Variants in RALYL observed in about 807,000 individuals in gnomAD.
RALYL encodes RALY RNA binding protein like.
RALYL carries 29 observed loss-of-function variants against 35.1 expected under a neutral mutation model. The ratio of observed to expected loss-of-function variants is 0.83; its 90% CI spans 0.61 to 1.13. The LOEUF is 1.13. RALYL is among the 50% of genes most tolerant of loss of function. The pLI is 0.00. For missense variants in RALYL, 359 were observed against 360.4 expected (o/e 1.00, Z 0.03); for synonymous variants, 120 against 127.6 (o/e 0.94, Z 0.40).
chr8:84,858,820 T>C (rs532540003), intron 5 of RALYL, among the ~76,000 whole-genome samples: 4 of 152,194 alleles, frequency 2.6e-5, no homozygotes, highest in Non-Finnish European at 4.4e-5. Context: ...CCTTGTCTTG[T>C]TATGTTTTTG....
intron 1 of RALYL, among the ~76,000 whole-genome samples, chr8:84,226,429 G>A (rs944432112): frequency 9.9e-5 from 15 of 152,080 alleles, no homozygotes; most frequent in African/African-American, 3.1e-4. Context: ...TTTTTGAAAT[G>A]GAGCTTTACT....
At chr8:84,364,639 G>A (rs1212656247) in intron 1 of RALYL, among the ~76,000 whole-genome samples, 1 of 152,070 alleles carries the variant, frequency 6.6e-6, no homozygotes, top group African/African-American at 2.4e-5. Context: ...ACTGAATTAT[G>A]TGTGTAAAAG....
At chr8:84,355,137 A>T (rs1448560325) in intron 1 of RALYL, among the ~76,000 whole-genome samples, 1 of 150,344 alleles carries the variant, frequency 6.7e-6, no homozygotes, top group Non-Finnish European at 1.5e-5. Context: ...TACTCTAGGA[A>T]AGTTATTTGA....
intron 1 of RALYL, among the ~76,000 whole-genome samples, chr8:84,308,123 G>T (rs1011972214): frequency 1.4e-5 from 2 of 147,972 alleles, no homozygotes; most frequent in Non-Finnish European, 1.5e-5. Flanking sequence ...GAACATAAAG[G>T]CTAAATAATC....
intron 2 of RALYL, among the ~76,000 whole-genome samples, chr8:84,736,199 G>T (rs1847284229): frequency 6.6e-6 from 1 of 152,084 alleles, no homozygotes; most frequent in Non-Finnish European, 1.5e-5. Flanking sequence ...AAGAATTAAT[G>T]CTGTTTTCAA....
intron 2 of RALYL, among the ~76,000 whole-genome samples, chr8:84,681,624 T>A (rs192293862): frequency 2.0e-5 from 3 of 152,312 alleles, no homozygotes; most frequent in African/African-American, 7.2e-5. Context: ...GGGAGTTCAC[T>A]CATGATTTGA....
chr8:84,905,015 T>C (rs188740744), intron 8 of RALYL, among the ~76,000 whole-genome samples: 1 of 152,298 alleles, frequency 6.6e-6, no homozygotes, highest in African/African-American at 2.4e-5. Context: ...TTGTTGACTA[T>C]GCAATGTTGT....
intron 1 of RALYL, among the ~76,000 whole-genome samples, chr8:84,459,949 AAATCTAGAT>A (rs2050564936): frequency 6.6e-6 from 1 of 151,794 alleles, no homozygotes; most frequent in African/African-American, 2.4e-5. Context: ...TAAACTATAG[AAATCTAGAT>A]AGGTTGATAC....
chr8:84,710,376 C>G (rs374400250), intron 2 of RALYL, among the ~76,000 whole-genome samples: 5 of 152,080 alleles, frequency 3.3e-5, no homozygotes, highest in African/African-American at 1.2e-4. Flanking sequence ...CAGCTCACTG[C>G]ACTGCAAACT....
intron 4 of RALYL, among the ~76,000 whole-genome samples, chr8:84,805,549 T>C (rs967082240): frequency 1.3e-5 from 2 of 152,058 alleles, no homozygotes; most frequent in Non-Finnish European, 2.9e-5. Context: ...CTGGGCATGG[T>C]GGCACACACC....
intron 7 of RALYL, among the ~76,000 whole-genome samples, chr8:84,874,024 G>C (rs1182105042): frequency 6.6e-6 from 1 of 152,090 alleles, no homozygotes; most frequent in Non-Finnish European, 1.5e-5. Flanking sequence ...TATTTTTTGA[G>C]TCACAAGTAT....
At chr8:84,293,893 T>C (rs1248114713) in intron 1 of RALYL, among the ~76,000 whole-genome samples, 1 of 151,516 alleles carries the variant, frequency 6.6e-6, no homozygotes, top group African/African-American at 2.4e-5. Context: ...TTTTCTTATG[T>C]ATGAAATTCA....
intron 8 of RALYL, among the ~76,000 whole-genome samples, chr8:84,905,914 T>C (rs1393921352): frequency 1.3e-5 from 2 of 152,122 alleles, no homozygotes; most frequent in African/African-American, 2.4e-5. Context: ...AGTTGTGTGT[T>C]TTTTTACATT....
intron 1 of RALYL, among the ~76,000 whole-genome samples, chr8:84,498,439 C>T (rs1311568232): frequency 1.3e-5 from 2 of 152,068 alleles, no homozygotes; most frequent in African/African-American, 2.4e-5. Flanking sequence ...CTTACTTTGA[C>T]TAAAAAGCCT....
intron 2 of RALYL, among the ~76,000 whole-genome samples, chr8:84,588,344 A>C (rs1438554633): frequency 6.6e-6 from 1 of 152,166 alleles, no homozygotes; most frequent in Non-Finnish European, 1.5e-5. Context: ...TTTTCAGATT[A>C]TGTGTTGGCT....
At chr8:84,592,130 A>G (rs561540297) in intron 2 of RALYL, among the ~76,000 whole-genome samples, 2 of 152,270 alleles carry the variant, frequency 1.3e-5, no homozygotes, top group African/African-American at 2.4e-5. Flanking sequence ...AAGCAAGGAC[A>G]ATCTACATAA....
chr8:84,883,140 C>CT (rs1003816429), intron 7 of RALYL, among the ~76,000 whole-genome samples: 4 of 151,656 alleles, frequency 2.6e-5, no homozygotes, highest in African/African-American at 4.8e-5. Context: ...ATAATTAAAG[C>CT]TTTTTTTTCC....
At chr8:84,253,364 A>AT (rs535716220) in intron 1 of RALYL, among the ~76,000 whole-genome samples, 5,438 of 99,534 alleles carry the variant, frequency 0.055, 124 homozygotes, top group African/African-American at 0.076. Context: ...TAATTTTTGT[A>AT]TTTTTTTTTT....
chr8:84,485,163 G>A (rs2054475064), intron 1 of RALYL, among the ~76,000 whole-genome samples: 1 of 151,904 alleles, frequency 6.6e-6, no homozygotes, highest in South Asian at 2.1e-4. Context: ...CTGTCTTTTG[G>A]TGATCTCATT....
Sources: allele counts gnomAD v4.1 joint callset (sites outside exome capture counted in the v4.1 genomes callset), GRCh38; gene constraint gnomAD v4.1.1; transcripts MANE v1.5; gene names NCBI Gene and HGNC (gene_info 2026-07-23, HGNC 2026-07-21).